The following DPH6 variants were observed in gnomAD, a reference collection of about 807,000 sequenced individuals.
DPH6 encodes diphthine--ammonia ligase.
In DPH6, 33 loss-of-function variants were observed where a neutral mutation model predicts 38.2. The observed-to-expected ratio is 0.86, with a 90% CI of 0.65 to 1.15. The LOEUF (loss-of-function observed/expected upper bound fraction) is 1.15. Ranked by LOEUF, DPH6 falls within the 50% of genes most tolerant of loss-of-function variation. DPH6 has a pLI of 0.00. For missense variants in DPH6, 325 were observed against 320.0 expected (o/e 1.02, Z -0.12); for synonymous variants, 108 against 103.0 (o/e 1.05, Z -0.30).
At chr15:35,394,576 G>A (rs1282437370) in intron 6 of DPH6, among the ~76,000 whole-genome samples, 1 of 152,200 alleles carries the variant, frequency 6.6e-6, no homozygotes, top group African/African-American at 2.4e-5. Flanking sequence ...CACAGTGAAA[G>A]CAGCATTGCA....
chr15:35,459,068 A>G (rs546294092), intron 3 of DPH6, among the ~76,000 whole-genome samples: 4 of 152,358 alleles, frequency 2.6e-5, no homozygotes, highest in East Asian at 3.9e-4. Flanking sequence ...TTAGTTTTGC[A>G]TATGTTGTAT....
At chr15:35,385,847 T>C (rs564428249) in intron 6 of DPH6, among the ~76,000 whole-genome samples, 94 of 151,192 alleles carry the variant, frequency 6.2e-4, no homozygotes, top group African/African-American at 2.2e-3. Flanking sequence ...TTGTTTCACA[T>C]TTTTTTTTAT....
chr15:35,303,513 T>C (rs911643483), intron 3 of DPH6, among the ~76,000 whole-genome samples: 1 of 151,838 alleles, frequency 6.6e-6, no homozygotes, highest in African/African-American at 2.4e-5. Context: ...AAATTATATA[T>C]ATATGAGGTA....
At chr15:35,539,525 A>T (rs1040613112) in intron 2 of DPH6, among the ~76,000 whole-genome samples, 1 of 152,068 alleles carries the variant, frequency 6.6e-6, no homozygotes, top group African/African-American at 2.4e-5. Flanking sequence ...CAATAAGAGC[A>T]GAGAATATGA....
At chr15:35,225,562 TA>T (rs2051474903) in intron 3 of DPH6, among the ~76,000 whole-genome samples, 1 of 152,258 alleles carries the variant, frequency 6.6e-6, no homozygotes. Flanking sequence ...TCTAGCCTTT[TA>T]TTTTTTTGAG....
chr15:35,516,721 T>C (rs1224657534), intron 3 of DPH6, among the ~76,000 whole-genome samples: 1 of 152,144 alleles, frequency 6.6e-6, no homozygotes, highest in Non-Finnish European at 1.5e-5. Context: ...CTCCAGGCAA[T>C]CATTTTTTTG....
chr15:35,443,570 T>C (rs1195889420), intron 5 of DPH6, among the ~76,000 whole-genome samples: 1 of 152,160 alleles, frequency 6.6e-6, no homozygotes, highest in Non-Finnish European at 1.5e-5. Flanking sequence ...CACTTTGGAA[T>C]GTAAATAAAT....
At chr15:35,177,366 G>T in the DPH6 span, among the ~76,000 whole-genome samples, 1 of 151,742 alleles carries the variant, frequency 6.6e-6, no homozygotes, top group Non-Finnish European at 1.5e-5. Context: ...CTTGAGGCCA[G>T]GAGCTCGAGA....
chr15:35,244,868 T>C (rs74008090), intron 3 of DPH6, among the ~76,000 whole-genome samples: 1 of 152,256 alleles, frequency 6.6e-6, no homozygotes, highest in African/African-American at 2.4e-5. Flanking sequence ...AATTAAACTT[T>C]TTGGAATTTG....
chr15:35,439,031 T>A (rs1347299043), intron 5 of DPH6, among the ~76,000 whole-genome samples: 1 of 152,222 alleles, frequency 6.6e-6, no homozygotes, highest in African/African-American at 2.4e-5. Flanking sequence ...ACAACAAAGT[T>A]TTCCTAAGGT....
At chr15:35,342,294 C>G (rs923327068) in intron 3 of DPH6, among the ~76,000 whole-genome samples, 1 of 152,212 alleles carries the variant, frequency 6.6e-6, no homozygotes, top group African/African-American at 2.4e-5. Flanking sequence ...AGACGCAAGT[C>G]TCTGGTAGTG....
intron 3 of DPH6, among the ~76,000 whole-genome samples, chr15:35,287,267 AGTTT>A (rs1214597327): frequency 6.6e-6 from 1 of 152,190 alleles, no homozygotes; most frequent in Non-Finnish European, 1.5e-5. Flanking sequence ...TTAGTAAAAC[AGTTT>A]GTTTGAAAGC....
the DPH6 span, among the ~76,000 whole-genome samples, chr15:35,206,657 A>G: frequency 6.6e-6 from 1 of 152,200 alleles, no homozygotes; most frequent in African/African-American, 2.4e-5. Context: ...AGAAATACCC[A>G]CCACATATTA....
chr15:35,493,249 T>C (rs1452191157), intron 3 of DPH6, among the ~76,000 whole-genome samples: 1 of 152,154 alleles, frequency 6.6e-6, no homozygotes, highest in African/African-American at 2.4e-5. Flanking sequence ...ATTAAATGAG[T>C]GTATTGTATG....
At chr15:35,511,629 C>T (rs181607427) in intron 3 of DPH6, among the ~76,000 whole-genome samples, 1 of 152,128 alleles carries the variant, frequency 6.6e-6, no homozygotes, top group East Asian at 1.9e-4. Flanking sequence ...CACACTCCTA[C>T]TTATCCCCAT....
intron 3 of DPH6, among the ~76,000 whole-genome samples, chr15:35,536,555 C>T (rs2055172897): frequency 6.6e-6 from 1 of 151,916 alleles, no homozygotes; most frequent in South Asian, 2.1e-4. Context: ...TTAATTATTG[C>T]TAATCTGCCC....
chr15:35,492,513 A>G (rs2054498232), intron 3 of DPH6, among the ~76,000 whole-genome samples: 1 of 152,214 alleles, frequency 6.6e-6, no homozygotes, highest in Admixed American at 6.5e-5. Context: ...AATAATCTAT[A>G]GTAATAAGAG....
At chr15:35,268,031 G>T (rs563314327) in intron 3 of DPH6, among the ~76,000 whole-genome samples, 1 of 151,998 alleles carries the variant, frequency 6.6e-6, no homozygotes, top group Admixed American at 6.6e-5. Flanking sequence ...TTAGCCGGGC[G>T]TGGTGGCAGG....
rs1291136471 is a variant in DPH6 at position 35,310,986 on chromosome 15, G to A, written n.200+62535C>T. On this transcript the variant is annotated intron_variant and non_coding_transcript_variant, in intron 3 of 3. Coordinates refer to the DPH6 transcript ENST00000560386. ...AGGCAGGAGAATCGCTTGAACCCGG[G>A]AGGAGGAGGTTGCAGTGAGCCGAGA... Among the ~76,000 whole-genome samples, 4 of 151,890 alleles carry A rather than the reference G, an allele frequency of 2.6e-5. No homozygotes were observed. The South Asian group carries it at 6.2e-4, about 24-fold the overall frequency.
Sources: allele counts gnomAD v4.1 joint callset (sites outside exome capture counted in the v4.1 genomes callset), GRCh38; gene constraint gnomAD v4.1.1; transcripts MANE v1.5; gene names NCBI Gene and HGNC (gene_info 2026-07-23, HGNC 2026-07-21).